Variants in FMN2 observed in about 807,000 individuals in gnomAD.
The protein encoded by FMN2 is formin 2, also known as formin-2.
In FMN2, 51 loss-of-function variants were observed where a neutral mutation model predicts 142.3. That is an observed-to-expected ratio of 0.36 (90% CI 0.29 to 0.45). FMN2 has a LOEUF of 0.45. Among genes scored for constraint, FMN2 ranks in the 20% least tolerant of loss-of-function variants. The probability of loss-of-function intolerance (pLI) is 1.00; values close to 1 mark genes in which losing one functional copy is unlikely to be tolerated. For synonymous variants in FMN2, 882 were observed against 869.8 expected, an observed-to-expected ratio of 1.01 and a Z score of -0.25; for missense variants, 1,936 against 2,122.8, an observed-to-expected ratio of 0.91 and a Z score of 1.73.
At chr1:240,147,836 C>G (rs1663554793) in intron 2 of FMN2, among the ~76,000 whole-genome samples, 1 of 152,146 alleles carries the variant, frequency 6.6e-6, no homozygotes, top group Non-Finnish European at 1.5e-5. Context: ...TTATAAAATG[C>G]AAATTCTTGG....
intron 15 of FMN2, among the ~76,000 whole-genome samples, chr1:240,413,566 C>T (rs1674485511): frequency 6.6e-6 from 1 of 152,224 alleles, no homozygotes; most frequent in African/African-American, 2.4e-5. Flanking sequence ...GAGAGAAGGG[C>T]TTGTTTCCTT....
chr1:240,282,975 C>T (rs1233740539), intron 7 of FMN2, among the ~76,000 whole-genome samples: 2 of 152,182 alleles, frequency 1.3e-5, no homozygotes, highest in African/African-American at 4.8e-5. Flanking sequence ...GAGATTGATG[C>T]ATCAGCATTC....
At chr1:240,361,985 C>T (rs1281785328) in intron 14 of FMN2, among the ~76,000 whole-genome samples, 1 of 152,216 alleles carries the variant, frequency 6.6e-6, no homozygotes, top group Non-Finnish European at 1.5e-5. Context: ...AATGCGAATA[C>T]TCATAGCAGC....
chr1:240,325,343 CAA>C (rs5782134), intron 8 of FMN2, among the ~76,000 whole-genome samples: 20 of 108,044 alleles, frequency 1.9e-4, no homozygotes, highest in Admixed American at 1.9e-4. Flanking sequence ...ACCCTGTCTC[CAA>C]AAAAAAAAAA....
intron 4 of FMN2, among the ~76,000 whole-genome samples, chr1:240,197,716 G>GT: frequency 6.6e-6 from 1 of 152,096 alleles, no homozygotes; most frequent in Non-Finnish European, 1.5e-5. Flanking sequence ...TTGTGGTTAG[G>GT]TTTTTTCCTG....
At chr1:240,464,358 CAGCCACCAGGGAA>C (rs2103234554) in intron 16 of FMN2, among the ~76,000 whole-genome samples, 1 of 152,116 alleles carries the variant, frequency 6.6e-6, no homozygotes, top group Non-Finnish European at 1.5e-5. Context: ...CAAAGAGATT[CAGCCACCAGGGAA>C]TTAATTTGAT....
intron 16 of FMN2, among the ~76,000 whole-genome samples, chr1:240,462,741 T>C (rs1007777091): frequency 6.6e-6 from 1 of 152,238 alleles, no homozygotes; most frequent in Non-Finnish European, 1.5e-5. Context: ...TCAAGGATCT[T>C]ACTATTTAGC....
intron 16 of FMN2, among the ~76,000 whole-genome samples, chr1:240,455,446 T>C (rs1487704165): frequency 6.6e-6 from 1 of 152,086 alleles, no homozygotes; most frequent in African/African-American, 2.4e-5. Context: ...TTGCTGAAGA[T>C]GGTATTGATG....
intron 6 of FMN2, among the ~76,000 whole-genome samples, chr1:240,254,234 G>A (rs1172527557): frequency 6.6e-6 from 1 of 152,102 alleles, no homozygotes; most frequent in Admixed American, 6.5e-5. Context: ...CGCTGGTGTT[G>A]CAGTGGCTAT....
chr1:240,148,273 T>TAGACAGAGACAGAGAC (rs1558321044), intron 2 of FMN2, among the ~76,000 whole-genome samples: 4 of 110,454 alleles, frequency 3.6e-5, no homozygotes, highest in Non-Finnish European at 7.6e-5. Context: ...GAGACAGAGA[T>TAGACAGAGACAGAGAC]AGACAGAGAC....
At chr1:240,184,572 G>A (rs555077964) in intron 3 of FMN2, among the ~76,000 whole-genome samples, 2 of 150,420 alleles carry the variant, frequency 1.3e-5, no homozygotes, top group South Asian at 4.2e-4. Flanking sequence ...TTTAAGGATG[G>A]GTGAAGGAGG....
chr1:240,217,475 T>G (rs1340432266), intron 6 of FMN2, among the ~76,000 whole-genome samples: 2 of 152,332 alleles, frequency 1.3e-5, no homozygotes, highest in Non-Finnish European at 1.5e-5. Flanking sequence ...AATTTAAATT[T>G]GTTTTGGGGA....
intron 2 of FMN2, among the ~76,000 whole-genome samples, chr1:240,127,074 C>A (rs1017220026): frequency 1.3e-5 from 2 of 151,036 alleles, no homozygotes; most frequent in African/African-American, 4.9e-5. Flanking sequence ...AGCAAGGGCT[C>A]AGGCCACAGC....
At chr1:240,383,199 C>T (rs1673288690) in intron 14 of FMN2, among the ~76,000 whole-genome samples, 1 of 151,956 alleles carries the variant, frequency 6.6e-6, no homozygotes, top group East Asian at 1.9e-4. Flanking sequence ...GGACATTGGC[C>T]TAGGCAAAGA....
chr1:240,174,461 C>T (rs776619191), intron 2 of FMN2, among the ~76,000 whole-genome samples: 11 of 152,146 alleles, frequency 7.2e-5, no homozygotes, highest in Non-Finnish European at 1.3e-4. Context: ...CTCAAGTGAT[C>T]CTTTCACTTC....
intron 8 of FMN2, among the ~76,000 whole-genome samples, chr1:240,313,111 C>T (rs923394513): frequency 2.7e-4 from 41 of 152,260 alleles, no homozygotes; most frequent in African/African-American, 9.6e-4. Context: ...TGACCAGTTA[C>T]CACTTACCCT....
chr1:240,207,052 C>T lies in FMN2; in HGVS notation c.2240C>T (p.Ser747Phe), dbSNP rs776610158. The change falls in exon 5 of 18, where the codon TCC becomes TTC. Residue 747 changes from serine to phenylalanine, a missense_variant. By Grantham distance (155) the Ser-to-Phe change is radical (BLOSUM62 -2). Transcript: ENST00000319653. ...RILEAKSIQTSPTEEGGVLTL... is the reference protein window; with the variant it reads ...RILEAKSIQTFPTEEGGVLTL... ...TTAGAGGCGAAATCGATACAGACTT[C>T]CCCCACGGAAGAGGGCGGGGTGCTG... The T allele has an allele frequency of 1.6e-5, 26 of 1,614,012 alleles. No homozygotes were observed. Among genetic ancestry groups the T allele is most frequent in the Non-Finnish European group, 2.1e-5 (25 of 1,180,018 alleles).
At chr1:240,216,041 CTG>C (rs1666882155) in intron 6 of FMN2, among the ~76,000 whole-genome samples, 1 of 152,130 alleles carries the variant, frequency 6.6e-6, no homozygotes, top group South Asian at 2.1e-4. Context: ...AGTATATAAA[CTG>C]TGGTTTCACC....
chr1:240,314,156 T>A (rs977881389), intron 8 of FMN2, among the ~76,000 whole-genome samples: 3 of 152,170 alleles, frequency 2.0e-5, no homozygotes, highest in Non-Finnish European at 4.4e-5. Context: ...AATTATCATA[T>A]AAGAATTCCA....
Sources: gnomAD v4.1 joint callset for allele counts (sites outside exome capture counted in the v4.1 genomes callset) on GRCh38, gnomAD v4.1.1 for gene constraint, MANE v1.5 for transcripts, NCBI Gene and HGNC (gene_info 2026-07-23, HGNC 2026-07-21) for gene names.